Variants in BRINP3 observed in about 807,000 individuals in gnomAD.
BRINP3 encodes BMP/retinoic acid inducible neural specific 3.
A neutral mutation model predicts 71.0 loss-of-function variants in BRINP3; 19 were observed. That is an observed-to-expected ratio of 0.27 (90% CI 0.19 to 0.39). The LOEUF is 0.39. BRINP3 is among the 10% of genes least tolerant of loss of function. The probability of loss-of-function intolerance (pLI) is 1.00; values close to 1 mark genes in which losing one functional copy is unlikely to be tolerated. For missense variants in BRINP3, 959 were observed against 940.8 expected, an observed-to-expected ratio of 1.02 and a Z score of -0.25; for synonymous variants, 380 against 337.7, an observed-to-expected ratio of 1.13 and a Z score of -1.37.
chr1:190,190,123 T>C (rs1264989460), intron 6 of BRINP3, among the ~76,000 whole-genome samples: 1 of 152,128 alleles, frequency 6.6e-6, no homozygotes, highest in Non-Finnish European at 1.5e-5. Context: ...AAGCAAGCCT[T>C]CATCCTGGGA....
Position 190,454,554 on chromosome 1 carries a change from A to C in BRINP3, c.236+101T>G, listed in dbSNP as rs1215012300. On this transcript the variant is annotated intron_variant, in intron 2 of 7. Transcript: ENST00000367462. ...TGCATGGTAAATAACAACCCTTCTGATAATACCTTTTTCCCGTCTGAAACT... is the reference window on the plus strand; with the variant it reads ...TGCATGGTAAATAACAACCCTTCTGCTAATACCTTTTTCCCGTCTGAAACT... 3.4e-6 allele frequency: 3 copies of C among 879,438 alleles called. No homozygotes were observed. The East Asian group carries it at 7.9e-5, about 23-fold the overall frequency. 54.5% of individuals were successfully genotyped at this position (879,438 alleles called of 1,614,324 possible). A position where few individuals can be genotyped will look rare whatever the true frequency, so the allele number is the denominator to read the frequency against.
At chr1:190,102,682 A>G (rs1424336906) in intron 7 of BRINP3, among the ~76,000 whole-genome samples, 1 of 152,118 alleles carries the variant, frequency 6.6e-6, no homozygotes, top group African/African-American at 2.4e-5. Flanking sequence ...TGAAGGAACT[A>G]CAGATTATGG....
intron 2 of BRINP3, among the ~76,000 whole-genome samples, chr1:190,287,263 C>T (rs550277836): frequency 7.2e-5 from 11 of 151,946 alleles, no homozygotes; most frequent in African/African-American, 2.2e-4. Flanking sequence ...CATATAGCTT[C>T]AACATCTCAC....
At chr1:190,424,885 G>A (rs1361465770) in intron 2 of BRINP3, among the ~76,000 whole-genome samples, 1 of 151,608 alleles carries the variant, frequency 6.6e-6, no homozygotes, top group African/African-American at 2.4e-5. Flanking sequence ...ATGCAAAGAA[G>A]TAAGTATGAT....
chr1:190,118,124 C>G (rs538631630), intron 7 of BRINP3, among the ~76,000 whole-genome samples: 14 of 117,004 alleles, frequency 1.2e-4, no homozygotes, highest in African/African-American at 4.2e-4. Context: ...ATTCTGTTCC[C>G]AAATCATACA....
intron 2 of BRINP3, among the ~76,000 whole-genome samples, chr1:190,326,761 C>A (rs760034109): frequency 1.3e-5 from 2 of 152,000 alleles, no homozygotes; most frequent in Non-Finnish European, 2.9e-5. Context: ...CTAAAATAAT[C>A]TGTTACTATT....
intron 2 of BRINP3, among the ~76,000 whole-genome samples, chr1:190,337,721 G>A (rs1667382446): frequency 2.0e-5 from 3 of 151,962 alleles, no homozygotes; most frequent in Admixed American, 2.0e-4. Context: ...GCCTATGATG[G>A]GATTTCACCT....
chr1:190,418,493 T>G (rs1360696659), intron 2 of BRINP3, among the ~76,000 whole-genome samples: 1 of 152,212 alleles, frequency 6.6e-6, no homozygotes, highest in African/African-American at 2.4e-5. Context: ...TCTTGGTAAA[T>G]GTTTAAATTT....
chr1:190,268,893 A>G (rs1661873825), intron 3 of BRINP3, among the ~76,000 whole-genome samples: 1 of 152,060 alleles, frequency 6.6e-6, no homozygotes, highest in Non-Finnish European at 1.5e-5. Flanking sequence ...GACATGATCG[A>G]TTTTTTCTTG....
intron 2 of BRINP3, among the ~76,000 whole-genome samples, chr1:190,354,347 G>A (rs1393300449): frequency 1.3e-5 from 2 of 151,804 alleles, no homozygotes; most frequent in African/African-American, 4.8e-5. Context: ...ACGATGCACG[G>A]ACAGCCCCAC....
chr1:190,358,539 T>C (rs1304289601), intron 2 of BRINP3, among the ~76,000 whole-genome samples: 1 of 152,006 alleles, frequency 6.6e-6, no homozygotes, highest in Non-Finnish European at 1.5e-5. Flanking sequence ...TGTGGAGAAA[T>C]AGGAACACTT....
rs115578926 is a variant in BRINP3, at chr1:190,200,019, C to G, written c.961+26063G>C. On this transcript the variant is annotated intron_variant, in intron 6 of 7. Transcript: ENST00000367462. Reference sequence around the variant, plus strand: ...TGACAGGAGCTGGCCTCACTATTGCCTAATTATTCTCCTAGATGTAGTTCA... The same window carrying G: ...TGACAGGAGCTGGCCTCACTATTGCGTAATTATTCTCCTAGATGTAGTTCA... Among the ~76,000 whole-genome samples, 481 of 152,138 alleles carry G rather than the reference C, an allele frequency of 3.2e-3. 4 individuals carry two copies. The highest frequency in any genetic ancestry group is 0.011 in the African/African-American group (456 of 41,528).
chr1:190,297,779 CGTGT>C (rs58341057), intron 2 of BRINP3, among the ~76,000 whole-genome samples: 56 of 146,732 alleles, frequency 3.8e-4, no homozygotes, highest in Middle Eastern at 3.4e-3. Context: ...TCTGTTTTCT[CGTGT>C]GTGTGTGTGT....
At chr1:190,443,261 C>A (rs147478070) in intron 2 of BRINP3, among the ~76,000 whole-genome samples, 8,075 of 151,620 alleles carry the variant, frequency 0.053, 345 homozygotes, top group Non-Finnish European at 0.069. Context: ...AAAAATTAGC[C>A]GGGCATTGTG....
chr1:190,255,808 C>T (rs563339939), intron 4 of BRINP3, among the ~76,000 whole-genome samples: 1 of 151,872 alleles, frequency 6.6e-6, no homozygotes, highest in African/African-American at 2.4e-5. Flanking sequence ...TTAGTTATTT[C>T]TTGTCTTCTG....
At chr1:190,463,027 C>T (rs978462087) in intron 1 of BRINP3, among the ~76,000 whole-genome samples, 1 of 151,746 alleles carries the variant, frequency 6.6e-6, no homozygotes, top group Non-Finnish European at 1.5e-5. Context: ...ACTGAAAAGT[C>T]AAAAATTAGA....
At chr1:190,451,946 A>G (rs1558299049) in intron 2 of BRINP3, among the ~76,000 whole-genome samples, 1 of 152,222 alleles carries the variant, frequency 6.6e-6, no homozygotes, top group African/African-American at 2.4e-5. Context: ...TTACATTTCT[A>G]ACTAATGCCT....
At chr1:190,275,293 G>A (rs1291959170) in intron 3 of BRINP3, among the ~76,000 whole-genome samples, 1 of 151,456 alleles carries the variant, frequency 6.6e-6, no homozygotes, top group African/African-American at 2.4e-5. Flanking sequence ...CTCTTGCTAT[G>A]ATTTTTTTAA....
chr1:190,467,872 A>AAATTTTTG (rs1297391221), intron 1 of BRINP3, among the ~76,000 whole-genome samples: 2 of 151,532 alleles, frequency 1.3e-5, no homozygotes, highest in African/African-American at 4.8e-5. Context: ...CTTTACATAA[A>AAATTTTTG]AAAGAATCAC....
Sources: allele counts gnomAD v4.1 joint callset (sites outside exome capture counted in the v4.1 genomes callset), GRCh38; gene constraint gnomAD v4.1.1; transcripts MANE v1.5; gene names NCBI Gene and HGNC (gene_info 2026-07-23, HGNC 2026-07-21).